Variants in ATP6V0A4 observed in about 807,000 individuals in gnomAD.
The protein encoded by ATP6V0A4 is V-type proton ATPase 116 kDa subunit a 4.
ATP6V0A4 carries 86 observed loss-of-function variants against 107.3 expected under a neutral mutation model. The ratio of observed to expected loss-of-function variants is 0.80; its 90% CI spans 0.67 to 0.96. The LOEUF (loss-of-function observed/expected upper bound fraction) is 0.96. Among genes scored for constraint, ATP6V0A4 ranks in the 40% least tolerant of loss-of-function variants. The pLI, the probability that ATP6V0A4 is intolerant of heterozygous loss-of-function variation, is 0.00. For synonymous variants in ATP6V0A4, 353 were observed against 381.4 expected (o/e 0.93, Z 0.87); for missense variants, 908 against 1,045.6 (o/e 0.87, Z 1.81).
At chr7:138,792,314 G>T (rs12333805) in intron 1 of ATP6V0A4, among the ~76,000 whole-genome samples, 7,793 of 152,128 alleles carry the variant, frequency 0.051, 661 homozygotes, top group African/African-American at 0.18. Flanking sequence ...AAGTTCTGAG[G>T]TCTTCATATT....
intron 3 of ATP6V0A4, among the ~76,000 whole-genome samples, chr7:138,770,929 G>C (rs769402895): frequency 1.3e-5 from 2 of 148,476 alleles, no homozygotes; most frequent in Non-Finnish European, 3.0e-5. Flanking sequence ...AGGCATGGAG[G>C]GAGGGAGAAC....
chr7:138,738,397 C>T (rs967472579), intron 15 of ATP6V0A4, among the ~76,000 whole-genome samples: 1 of 152,016 alleles, frequency 6.6e-6, no homozygotes, highest in Non-Finnish European at 1.5e-5. Context: ...AGGGGAGAGA[C>T]GAGACCATTG....
At chr7:138,756,595 CATAAT>C in intron 8 of ATP6V0A4, 55 bp from the exon 9 acceptor site, 3 of 1,579,258 alleles carry the variant, frequency 1.9e-6, no homozygotes, top group Non-Finnish European at 2.6e-6. Context: ...CTGGTTAAAA[CATAAT>C]AGAGAGAAAT....
chr7:138,746,577 C>T (rs1379832122), intron 13 of ATP6V0A4, among the ~76,000 whole-genome samples: 2 of 151,820 alleles, frequency 1.3e-5, no homozygotes, highest in African/African-American at 4.8e-5. Flanking sequence ...AATCTCAGCT[C>T]ACTGCAACCT....
Position 138,728,764 on chromosome 7 carries a change from G to A in ATP6V0A4, c.2007C>T (p.Ser669=). The part of the protein sequence containing the change: ...PFILRASHRK[S]QLQASRIQED... ...AACTGAAACAAACAGCCCTTACCTGGGATTTCCGATGACTGGCTCTAAGAA... is the reference window on the plus strand; with the variant it reads ...AACTGAAACAAACAGCCCTTACCTGAGATTTCCGATGACTGGCTCTAAGAA... Residue 669 remains serine, a synonymous_variant, in exon 18 of 22, where the codon TCC becomes TCT. Coordinates refer to ENST00000310018, the MANE Select transcript of ATP6V0A4 (RefSeq NM_020632.3). 6.2e-7 allele frequency: 1 copy of A among 1,614,070 alleles called. No homozygotes were observed. Among genetic ancestry groups the A allele is most frequent in the South Asian group, 1.1e-5 (1 of 91,078 alleles).
intron 3 of ATP6V0A4, 37 bp from the exon 4 acceptor site, chr7:138,769,288 C>A: frequency 6.3e-7 from 1 of 1,583,104 alleles, no homozygotes; most frequent in Non-Finnish European, 8.6e-7. Flanking sequence ...ATGTTAGTAG[C>A]AACAGCTGCC....
intron 19 of ATP6V0A4, among the ~76,000 whole-genome samples, chr7:138,717,477 G>C (rs1804103868): frequency 6.6e-6 from 1 of 151,998 alleles, no homozygotes; most frequent in South Asian, 2.1e-4. Context: ...CCTGTGAGGT[G>C]GAGGTTGCAG....
chr7:138,752,483 G>T, intron 11 of ATP6V0A4, 142 bp downstream of exon 11: 1 of 1,050,298 alleles, frequency 9.5e-7, no homozygotes, highest in Non-Finnish European at 1.4e-6. Context: ...GAGTGGGGTT[G>T]ATAACTGAAG....
intron 17 of ATP6V0A4, among the ~76,000 whole-genome samples, chr7:138,729,789 C>T (rs993818264): frequency 6.6e-6 from 1 of 152,214 alleles, no homozygotes; most frequent in South Asian, 2.1e-4. Flanking sequence ...TGACCAAGGT[C>T]GCAGTAAATG....
rs1804445459 is a variant in ATP6V0A4 at position 138,721,973 on chromosome 7, C to T, written c.2063G>A (p.Ser688Asn). 6.2e-7 allele frequency: 1 copy of T among 1,614,178 alleles called. No individual in the cohort carries two copies. The highest frequency in any genetic ancestry group is 8.5e-7 in the Non-Finnish European group (1 of 1,180,036). ...GCCAGAACGGCTAGAAGGGCTGGAGCTATCACCTTCAATGTTCTCAGTGGC... is the reference window on the plus strand; with the variant it reads ...GCCAGAACGGCTAGAAGGGCTGGAGTTATCACCTTCAATGTTCTCAGTGGC... ...EDATENIEGD[S>N]SSPSSRSGQR... is the part of the protein sequence containing the mutation. The change falls in exon 19 of 22, where the codon AGC becomes AAC. Residue 688 changes from serine (S) to asparagine (N), a missense_variant. Ser to Asn is a conservative substitution (Grantham distance 46). Coordinates refer to ENST00000310018, the MANE Select transcript of ATP6V0A4 (RefSeq NM_020632.3).
intron 14 of ATP6V0A4, among the ~76,000 whole-genome samples, chr7:138,741,925 C>G (rs891205665): frequency 1.3e-5 from 2 of 152,234 alleles, no homozygotes; most frequent in Non-Finnish European, 2.9e-5. Context: ...TGACCCTTCA[C>G]ATATGGCTGA....
At chr7:138,752,528 T>G (rs1239162550) in intron 11 of ATP6V0A4, 97 bp downstream of exon 11, 2 of 1,464,314 alleles carry the variant, frequency 1.4e-6, no homozygotes, top group Non-Finnish European at 1.9e-6. Context: ...TACCACCAAG[T>G]CACTTGAGTT....
chr7:138,716,846 G>A (rs1423512361), intron 19 of ATP6V0A4, among the ~76,000 whole-genome samples: 2 of 152,210 alleles, frequency 1.3e-5, no homozygotes, highest in Admixed American at 6.5e-5. Context: ...TTACAGGTGT[G>A]AGCCACTGTG....
intron 12 of ATP6V0A4, among the ~76,000 whole-genome samples, chr7:138,748,205 T>C (rs6953723): frequency 0.02 from 3,090 of 152,138 alleles, 109 homozygotes; most frequent in African/African-American, 0.068. Context: ...GTGCTTTCTA[T>C]ACTCTTCTCC....
chr7:138,792,857 T>G (rs1385302890), intron 1 of ATP6V0A4, among the ~76,000 whole-genome samples: 1 of 146,374 alleles, frequency 6.8e-6, no homozygotes, highest in Non-Finnish European at 1.5e-5. Flanking sequence ...GCTCAAGAAA[T>G]CCTCCCATCT....
intron 10 of ATP6V0A4, among the ~76,000 whole-genome samples, chr7:138,753,454 T>C (rs1806336724): frequency 6.6e-6 from 1 of 152,182 alleles, no homozygotes; most frequent in Non-Finnish European, 1.5e-5. Context: ...ATCTTTATTG[T>C]CTTATGCCAC....
intron 21 of ATP6V0A4, among the ~76,000 whole-genome samples, chr7:138,708,106 C>T (rs1803546132): frequency 6.6e-6 from 1 of 151,420 alleles, no homozygotes; most frequent in Admixed American, 6.6e-5. Context: ...GGCTGGAGTG[C>T]AGTGGCTCCA....
At chr7:138,780,647 AC>A (rs1807876739) in intron 2 of ATP6V0A4, among the ~76,000 whole-genome samples, 1 of 152,168 alleles carries the variant, frequency 6.6e-6, no homozygotes. Context: ...CACCATAGCC[AC>A]TTTGTTCATG....
At chr7:138,736,993 C>T (rs1235835697) in intron 15 of ATP6V0A4, among the ~76,000 whole-genome samples, 1 of 151,110 alleles carries the variant, frequency 6.6e-6, no homozygotes, top group East Asian at 2.0e-4. Context: ...CTGATTCCTG[C>T]GTTAAGAGCC....
Sources: gnomAD v4.1 joint callset for allele counts (sites outside exome capture counted in the v4.1 genomes callset) on GRCh38, gnomAD v4.1.1 for gene constraint, MANE v1.5 for transcripts, NCBI Gene and HGNC (gene_info 2026-07-23, HGNC 2026-07-21) for gene names.